The following CDK14 variants were observed in gnomAD, a reference collection of about 807,000 sequenced individuals.
CDK14 encodes the protein cyclin-dependent kinase 14.
CDK14 carries 34 observed loss-of-function variants against 60.7 expected under a neutral mutation model. That is an observed-to-expected ratio of 0.56 (90% CI 0.43 to 0.75). CDK14 has a LOEUF of 0.75. CDK14 is among the 30% of genes least tolerant of loss of function. The pLI is 0.00. For synonymous variants in CDK14, 197 were observed against 203.7 expected, an observed-to-expected ratio of 0.97 and a Z score of 0.28; for missense variants, 482 against 564.1, an observed-to-expected ratio of 0.85 and a Z score of 1.47.
At chr7:90,987,984 CAT>C (rs1252342319) in intron 10 of CDK14, among the ~76,000 whole-genome samples, 1 of 152,088 alleles carries the variant, frequency 6.6e-6, no homozygotes, top group Non-Finnish European at 1.5e-5. Context: ...GTGAACTGTA[CAT>C]AGAAAGGTAG....
intron 3 of CDK14, among the ~76,000 whole-genome samples, chr7:90,743,376 G>T (rs1359860434): frequency 6.6e-6 from 1 of 152,038 alleles, no homozygotes; most frequent in East Asian, 1.9e-4. Flanking sequence ...ATTGCATTGT[G>T]TTCAGAAAAA....
intron 10 of CDK14, among the ~76,000 whole-genome samples, chr7:91,028,031 A>C (rs185093565): frequency 0.039 from 5,195 of 131,878 alleles, 118 homozygotes; most frequent in South Asian, 0.07. Flanking sequence ...ATTTTTTTTT[A>C]TCCCTCAACC....
chr7:90,625,648 T>A (rs1799861627), intron 2 of CDK14, among the ~76,000 whole-genome samples: 1 of 152,204 alleles, frequency 6.6e-6, no homozygotes, highest in Non-Finnish European at 1.5e-5. Context: ...TAGGCCTTTC[T>A]AAGAGAGAAG....
intron 10 of CDK14, among the ~76,000 whole-genome samples, chr7:91,018,280 C>T (rs996288013): frequency 6.6e-6 from 1 of 152,050 alleles, no homozygotes; most frequent in Non-Finnish European, 1.5e-5. Context: ...ACTTCCTGAC[C>T]CTTGTCTGTA....
At chr7:90,846,473 G>A (rs1437744985) in intron 5 of CDK14, among the ~76,000 whole-genome samples, 1 of 152,186 alleles carries the variant, frequency 6.6e-6, no homozygotes, top group Non-Finnish European at 1.5e-5. Flanking sequence ...CTAGCTTCAG[G>A]AAATGTTTGA....
At position 91,207,702 on chromosome 7, in the gene CDK14, T is replaced by TG. The variant is rs1331040938; in HGVS notation, c.*567dup. 1 of 152,698 alleles carries TG rather than the reference T, an allele frequency of 6.5e-6. No individual in the cohort carries two copies. Among genetic ancestry groups the TG allele is most frequent in the African/African-American group, 2.4e-5 (1 of 41,476 alleles). The allele number at this position is 152,698 out of a possible 1,614,324, so 9.5% of individuals were successfully genotyped here. A position where few individuals can be genotyped will look rare whatever the true frequency, so the allele number is the denominator to read the frequency against. On this transcript the variant is annotated 3_prime_UTR_variant, in exon 15 of 15. Coordinates refer to ENST00000380050, the MANE Select transcript of CDK14 (RefSeq NM_001287135.2). ...CCCCGGACTGTGGGGCCCCACCTGT[T>TG]GCTTACCTTTTGAGGTAATTTTGCA...
chr7:91,161,775 A>G (rs1233367196), intron 14 of CDK14, among the ~76,000 whole-genome samples: 1 of 152,262 alleles, frequency 6.6e-6, no homozygotes, highest in African/African-American at 2.4e-5. Context: ...ACTGAATATT[A>G]AAACAACAAA....
At chr7:90,678,402 G>T (rs1801243905) in intron 2 of CDK14, among the ~76,000 whole-genome samples, 1 of 152,138 alleles carries the variant, frequency 6.6e-6, no homozygotes, top group Middle Eastern at 3.2e-3. Flanking sequence ...CTTTAGAGGA[G>T]AAGAAACAGG....
At chr7:90,735,806 C>A (rs1465401428) in intron 3 of CDK14, among the ~76,000 whole-genome samples, 1 of 152,214 alleles carries the variant, frequency 6.6e-6, no homozygotes, top group Non-Finnish European at 1.5e-5. Context: ...GGCTCCCTGG[C>A]TTCAGCCCCC....
chr7:91,133,503 T>C (rs1412401467), intron 14 of CDK14, among the ~76,000 whole-genome samples: 1 of 152,130 alleles, frequency 6.6e-6, no homozygotes, highest in African/African-American at 2.4e-5. Flanking sequence ...AATTAAAGTT[T>C]ACCAAAGCAG....
chr7:91,187,163 G>A (rs1186112943), intron 14 of CDK14, among the ~76,000 whole-genome samples: 1 of 152,122 alleles, frequency 6.6e-6, no homozygotes, highest in African/African-American at 2.4e-5. Flanking sequence ...TTTAAAATAT[G>A]GTTAAGTACT....
chr7:90,980,548 C>T (rs1242720405), intron 9 of CDK14, among the ~76,000 whole-genome samples: 5 of 152,070 alleles, frequency 3.3e-5, no homozygotes, highest in African/African-American at 9.7e-5. Context: ...TTGAAGAGCT[C>T]TTATTGCTGT....
chr7:90,888,806 T>C (rs1199309360), intron 6 of CDK14, among the ~76,000 whole-genome samples: 1 of 152,248 alleles, frequency 6.6e-6, no homozygotes, highest in Non-Finnish European at 1.5e-5. Context: ...GATCACAGCA[T>C]TTCATTCTCA....
chr7:91,139,790 C>CTTTCTTTCTTTCTTTCTT (rs1288536458), intron 14 of CDK14, among the ~76,000 whole-genome samples: 5 of 86,286 alleles, frequency 5.8e-5, no homozygotes, highest in African/African-American at 3.0e-4. Context: ...TCTTTCCTTT[C>CTTTCTTTCTTTCTTTCTT]TTTCTTTCTT....
chr7:91,143,075 T>C (rs1340400335), intron 14 of CDK14, among the ~76,000 whole-genome samples: 1 of 152,158 alleles, frequency 6.6e-6, no homozygotes, highest in Non-Finnish European at 1.5e-5. Flanking sequence ...ACAGACCTCA[T>C]AAAGTTCAGG....
chr7:90,649,342 TTCCTTCCTTCCTTCCTTCCTTCCTTTCC>T lies in CDK14; in HGVS notation c.123+45095_123+45122del, dbSNP rs1383893383. 4.5e-3 allele frequency among the ~76,000 whole-genome samples: 225 copies of T among 50,330 alleles called. 12 individuals carry two copies. The highest frequency in any genetic ancestry group is 0.024 in the African/African-American group (213 of 8,806). The allele number at this position is 50,330 out of a possible 152,430, so 33.0% of individuals were successfully genotyped here. On this transcript the variant is annotated intron_variant, in intron 2 of 14. Coordinates refer to ENST00000380050, the MANE Select transcript of CDK14 (RefSeq NM_001287135.2). The stretch of plus-strand genomic sequence containing the variant: ...CTTCCTTCCTTCCTTCCTTCCTTCC[TTCCTTCCTTCCTTCCTTCCTTCCTTTCC>T]TTCCTTCCTTCCTTCCTTCCTTCCT...
At chr7:90,805,878 A>G (rs949647504) in intron 5 of CDK14, among the ~76,000 whole-genome samples, 3 of 152,164 alleles carry the variant, frequency 2.0e-5, no homozygotes, top group Non-Finnish European at 2.9e-5. Flanking sequence ...GACTTACACT[A>G]CTTAATTTCA....
intron 3 of CDK14, among the ~76,000 whole-genome samples, chr7:90,740,538 A>G (rs1803304449): frequency 6.6e-6 from 1 of 152,150 alleles, no homozygotes; most frequent in Non-Finnish European, 1.5e-5. Context: ...CCATGTGAGG[A>G]CACAAGAGAA....
chr7:90,947,812 A>G (rs554216808), intron 8 of CDK14, among the ~76,000 whole-genome samples: 22 of 152,316 alleles, frequency 1.4e-4, no homozygotes, highest in South Asian at 6.2e-4. Flanking sequence ...AAAGAAATTA[A>G]CACACTAACA....
Sources: gnomAD v4.1 joint callset for allele counts (sites outside exome capture counted in the v4.1 genomes callset) on GRCh38, gnomAD v4.1.1 for gene constraint, MANE v1.5 for transcripts, NCBI Gene and HGNC (gene_info 2026-07-23, HGNC 2026-07-21) for gene names.